The following LTBP1 variants were observed in gnomAD, a reference collection of about 807,000 sequenced individuals.
The protein encoded by LTBP1 is latent-transforming growth factor beta-binding protein 1.
Under a neutral mutation model 207.6 loss-of-function variants are expected in LTBP1, and 129 were observed. The ratio of observed to expected loss-of-function variants is 0.62; its 90% CI spans 0.54 to 0.72. The LOEUF is 0.72. Among genes scored for constraint, LTBP1 ranks in the 30% least tolerant of loss-of-function variants. The pLI, the probability that LTBP1 is intolerant of heterozygous loss-of-function variation, is 0.00. For missense variants in LTBP1, 2,281 were observed against 2,217.2 expected (o/e 1.03, Z -0.58); for synonymous variants, 963 against 833.7 (o/e 1.16, Z -2.67).
intron 5 of LTBP1, among the ~76,000 whole-genome samples, chr2:33,161,103 TCA>T (rs1201610286): frequency 6.6e-6 from 1 of 152,190 alleles, no homozygotes; most frequent in East Asian, 1.9e-4. Context: ...TCTCAGAATC[TCA>T]GTTTTCTTCT....
At position 33,243,759 on chromosome 2, in the gene LTBP1, G is replaced by A. The variant is rs187374582; in HGVS notation, c.1974G>A (p.Pro658=). ...YRCTCKIGFG[P]DPTFSSCVPD... is the part of the protein sequence containing the mutation. The stretch of plus-strand genomic sequence containing the variant: ...GTACCTGCAAAATAGGATTTGGGCC[G>A]GATCCTACCTTTTCAAGTTGTGTTC... The change falls in exon 10 of 34, where the codon CCG becomes CCA. Residue 658 remains proline, a synonymous_variant. Coordinates refer to ENST00000404816, the MANE Select transcript of LTBP1 (RefSeq NM_206943.4). 8.7e-6 allele frequency: 14 copies of A among 1,613,886 alleles called. No homozygotes were observed. The highest frequency in any genetic ancestry group is 3.3e-5 in the Admixed American group (2 of 60,004).
intron 22 of LTBP1, among the ~76,000 whole-genome samples, chr2:33,307,967 C>T (rs1006172867): frequency 1.3e-5 from 2 of 152,136 alleles, no homozygotes; most frequent in Admixed American, 6.6e-5. Context: ...ACCAGACAGC[C>T]GGGCGTATTA....
intron 4 of LTBP1, among the ~76,000 whole-genome samples, chr2:33,118,825 C>G (rs147138197): frequency 6.6e-6 from 1 of 152,154 alleles, no homozygotes; most frequent in Non-Finnish European, 1.5e-5. Flanking sequence ...TGATAACATT[C>G]CAGTTCAGGG....
chr2:33,116,312 T>C (rs1387961256), intron 4 of LTBP1, among the ~76,000 whole-genome samples: 1 of 152,260 alleles, frequency 6.6e-6, no homozygotes, highest in Admixed American at 6.5e-5. Context: ...CAAGATGGGC[T>C]TAGGTTTTAA....
At position 32,947,773 on chromosome 2, in the gene LTBP1, G is replaced by C; in HGVS notation, c.449G>C (p.Gly150Ala). The change falls in exon 1 of 34, where the codon GGC becomes GCC. Residue 150 changes from glycine to alanine, a missense_variant. By Grantham distance (60) the Gly-to-Ala change is moderately conservative. This residue lies in a region of LTBP1 where 555 missense variants were observed against 491.0 expected (regional missense o/e 1.13). Transcript: ENST00000404816. Reference sequence around the variant, plus strand: ...AAGGTGCCGCAGGAGACCCAGAGCGGCGGAGGCTCTAGGCTGCAGGTTCAC... The same window carrying C: ...AAGGTGCCGCAGGAGACCCAGAGCGCCGGAGGCTCTAGGCTGCAGGTTCAC... ...RSKVPQETQS[G>A]GGSRLQVHQK... is the part of the protein sequence containing the mutation. 1 of 1,516,486 alleles carries C rather than the reference G, an allele frequency of 6.6e-7. No homozygotes were observed. Among genetic ancestry groups the C allele is most frequent in the Non-Finnish European group, 8.8e-7 (1 of 1,130,400 alleles). The allele number at this position is 1,516,486 out of a possible 1,614,324, so 93.9% of individuals were successfully genotyped here.
At chr2:33,367,563 C>T (rs1265382914) in intron 31 of LTBP1, among the ~76,000 whole-genome samples, 1 of 152,106 alleles carries the variant, frequency 6.6e-6, no homozygotes, top group Non-Finnish European at 1.5e-5. Context: ...TCCATGTGTA[C>T]CCATTGTTTA....
rs1211841204 is a variant in LTBP1 at position 33,330,304 on chromosome 2, T to C, written c.3731-12534T>C. Among the ~76,000 whole-genome samples the C allele has an allele frequency of 1.3e-5, 2 of 152,074 alleles. 1 individual carries two copies. The highest frequency in any genetic ancestry group is 2.9e-5 in the Non-Finnish European group (2 of 67,918). On this transcript the variant is annotated intron_variant, in intron 24 of 33. Transcript: ENST00000404816. Reference sequence around the variant, plus strand: ...GCATCTCCCACATATACAATTATGTTGTATAAGTAATGCTAGTTTTATTCC... The same window carrying C: ...GCATCTCCCACATATACAATTATGTCGTATAAGTAATGCTAGTTTTATTCC...
chr2:33,155,774 A>G (rs2147955121), intron 5 of LTBP1, among the ~76,000 whole-genome samples: 1 of 152,326 alleles, frequency 6.6e-6, no homozygotes, highest in South Asian at 2.1e-4. Flanking sequence ...TTTAGGCCAT[A>G]CAAAAATTTT....
At chr2:33,331,238 T>C (rs1437182586) in intron 24 of LTBP1, among the ~76,000 whole-genome samples, 2 of 151,522 alleles carry the variant, frequency 1.3e-5, no homozygotes, top group East Asian at 3.8e-4. Context: ...ATATTTATTA[T>C]TTTTTCTATA....
chr2:33,286,887 C>T (rs1172607169), intron 19 of LTBP1, among the ~76,000 whole-genome samples: 3 of 151,984 alleles, frequency 2.0e-5, no homozygotes, highest in Admixed American at 2.0e-4. Flanking sequence ...ACAATGAGAA[C>T]ACATGGACAC....
intron 9 of LTBP1, among the ~76,000 whole-genome samples, chr2:33,239,906 A>ATAAG (rs2092237945): frequency 1.3e-5 from 2 of 149,688 alleles, no homozygotes; most frequent in Non-Finnish European, 3.0e-5. Context: ...TCCATCTTAA[A>ATAAG]TAAATAAATA....
chr2:33,056,921 T>C (rs965513957), intron 3 of LTBP1, among the ~76,000 whole-genome samples: 16 of 152,098 alleles, frequency 1.1e-4, no homozygotes, highest in Non-Finnish European at 2.9e-5. Context: ...AGAGAGCCAG[T>C]TGGTCTGTTT....
At chr2:33,314,884 TA>T (rs2094243948) in intron 23 of LTBP1, among the ~76,000 whole-genome samples, 1 of 152,122 alleles carries the variant, frequency 6.6e-6, no homozygotes, top group Non-Finnish European at 1.5e-5. Context: ...AAAATAAGGG[TA>T]GCTTTGGGTT....
rs200780469 is a variant in LTBP1 at position 33,172,619 on chromosome 2, C to T, written c.1202-14237C>T. Among the ~76,000 whole-genome samples, 4 of 152,172 alleles carry T rather than the reference C, an allele frequency of 2.6e-5. No homozygotes were observed. In the East Asian group the frequency reaches 5.8e-4, roughly 22 times the overall value. On this transcript the variant is annotated intron_variant, in intron 5 of 33. Transcript: ENST00000404816. ...GCGAGACAGAAAGTTAACAAGGATA[C>T]CCAGGAATTGAACTCAGCTCTGCAC... is the stretch of plus-strand genomic sequence containing the variant.
At chr2:32,951,061 T>C (rs778239051) in intron 2 of LTBP1, among the ~76,000 whole-genome samples, 15 of 152,252 alleles carry the variant, frequency 9.9e-5, no homozygotes, top group Non-Finnish European at 1.2e-4. Flanking sequence ...GAAAAATCAG[T>C]GTTGAAGTTA....
intron 2 of LTBP1, among the ~76,000 whole-genome samples, chr2:33,001,460 A>T (rs1686055133): frequency 7.4e-6 from 1 of 135,038 alleles, no homozygotes; most frequent in South Asian, 2.6e-4. Context: ...CACCTAGAAC[A>T]ACTGCCTTAA....
At chr2:33,391,358 C>T (rs925849645) in intron 32 of LTBP1, among the ~76,000 whole-genome samples, 2 of 151,598 alleles carry the variant, frequency 1.3e-5, no homozygotes, top group Non-Finnish European at 2.9e-5. Flanking sequence ...TGAAATGGAC[C>T]AGAATGCACT....
chr2:33,337,063 C>G (rs1272478796), intron 24 of LTBP1, among the ~76,000 whole-genome samples: 1 of 152,182 alleles, frequency 6.6e-6, no homozygotes, highest in African/African-American at 2.4e-5. Context: ...ACCCCAACCT[C>G]TTTTAGAAAA....
chr2:33,270,139 T>C (rs1439690737), intron 15 of LTBP1, among the ~76,000 whole-genome samples: 1 of 151,842 alleles, frequency 6.6e-6, no homozygotes, highest in East Asian at 2.0e-4. Flanking sequence ...GGCCTCAAAC[T>C]CCTGACCTCG....
Sources: allele counts gnomAD v4.1 joint callset (sites outside exome capture counted in the v4.1 genomes callset), GRCh38; gene constraint gnomAD v4.1.1; regional missense constraint gnomAD v4.1.1; transcripts MANE v1.5; gene names NCBI Gene and HGNC (gene_info 2026-07-23, HGNC 2026-07-21).